HSPBAP1: variants seen among roughly 807,000 people sequenced by gnomAD.
HSPBAP1 encodes the protein HSPB1-associated protein 1.
A neutral mutation model predicts 45.2 loss-of-function variants in HSPBAP1; 27 were observed. The observed-to-expected ratio is 0.60, with a 90% confidence interval of 0.44 to 0.82. The LOEUF (loss-of-function observed/expected upper bound fraction) is 0.82, where lower values mean the gene tolerates loss of function less well. Among genes scored for constraint, HSPBAP1 ranks in the 40% least tolerant of loss-of-function variants. The pLI is 0.00. For synonymous variants in HSPBAP1, 204 were observed against 202.7 expected (o/e 1.01, Z -0.06); for missense variants, 510 against 590.9 (o/e 0.86, Z 1.42).
chr3:122,766,435 G>A (rs984906853), intron 3 of HSPBAP1, among the ~76,000 whole-genome samples: 1 of 152,200 alleles, frequency 6.6e-6, no homozygotes, highest in Non-Finnish European at 1.5e-5. Flanking sequence ...GTTATTCATA[G>A]CAGAATTAAT....
chr3:122,747,939 A>C (rs1199974698), intron 6 of HSPBAP1, among the ~76,000 whole-genome samples: 1 of 152,216 alleles, frequency 6.6e-6, no homozygotes, highest in Non-Finnish European at 1.5e-5. Flanking sequence ...TGGAATAGAA[A>C]GGGGGGAACG....
intron 1 of HSPBAP1, among the ~76,000 whole-genome samples, chr3:122,789,546 A>G (rs1298206113): frequency 1.3e-5 from 2 of 152,248 alleles, no homozygotes; most frequent in African/African-American, 2.4e-5. Context: ...AACAAACAAT[A>G]TCACATTCTT....
At chr3:122,770,472 G>A (rs1004693339) in intron 2 of HSPBAP1, among the ~76,000 whole-genome samples, 9 of 152,180 alleles carry the variant, frequency 5.9e-5, no homozygotes, top group African/African-American at 2.2e-4. Flanking sequence ...GCCGAGGTGG[G>A]AGGACTACTT....
At chr3:122,752,024 A>G (rs1934166843) in intron 6 of HSPBAP1, among the ~76,000 whole-genome samples, 1 of 152,226 alleles carries the variant, frequency 6.6e-6, no homozygotes, top group Non-Finnish European at 1.5e-5. Context: ...AGTTGAAGAG[A>G]CAGACTTGAG....
intron 1 of HSPBAP1, among the ~76,000 whole-genome samples, chr3:122,792,958 T>G (rs559921135): frequency 2.6e-5 from 4 of 152,162 alleles, no homozygotes; most frequent in African/African-American, 9.6e-5. Flanking sequence ...TTCTCCCCAC[T>G]GAGATCCCTC....
At chr3:122,748,402 AT>A (rs1934003552) in intron 6 of HSPBAP1, among the ~76,000 whole-genome samples, 1 of 151,866 alleles carries the variant, frequency 6.6e-6, no homozygotes, top group Non-Finnish European at 1.5e-5. Flanking sequence ...AGAAAAAAAA[AT>A]TAGATCTCAA....
At chr3:122,746,341 A>G (rs1272176368) in intron 6 of HSPBAP1, among the ~76,000 whole-genome samples, 1 of 151,772 alleles carries the variant, frequency 6.6e-6, no homozygotes, top group East Asian at 1.9e-4. Context: ...ATTTTAAAGA[A>G]CACATTAAAA....
At chr3:122,746,888 C>T (rs550373152) in intron 6 of HSPBAP1, among the ~76,000 whole-genome samples, 12 of 152,182 alleles carry the variant, frequency 7.9e-5, no homozygotes, top group African/African-American at 2.2e-4. Flanking sequence ...CTCCTAACCG[C>T]GAGTGATCTG....
Position 122,752,682 on chromosome 3 carries a change from CCAAA to C in HSPBAP1, c.742-12_742-9del. On this transcript the variant is annotated splice_polypyrimidine_tract_variant and intron_variant, in intron 5 of 7. Transcript: ENST00000306103. Reference sequence around the variant, plus strand: ...TCTGGGAACAAAGAGAACCTGAAAACCAAACAAAGAATGGTTAGCACAAGAACAG... The same window carrying C: ...TCTGGGAACAAAGAGAACCTGAAAACCAAAGAATGGTTAGCACAAGAACAG... 6.3e-7 allele frequency: 1 copy of C among 1,594,674 alleles called. No homozygotes were observed. The highest frequency in any genetic ancestry group is 1.1e-5 in the South Asian group (1 of 87,364).
At chr3:122,777,988 G>T in intron 1 of HSPBAP1, 82 bp from the exon 2 acceptor site, 1 of 876,794 alleles carries the variant, frequency 1.1e-6, no homozygotes, top group Non-Finnish European at 1.8e-6. Flanking sequence ...AGCTAATATT[G>T]TTTTTATCAT....
intron 1 of HSPBAP1, among the ~76,000 whole-genome samples, chr3:122,791,729 T>C (rs1240410211): frequency 6.6e-6 from 1 of 152,078 alleles, no homozygotes; most frequent in African/African-American, 2.4e-5. Context: ...GCCAGCTATG[T>C]GAAAAGCCAA....
intron 1 of HSPBAP1, among the ~76,000 whole-genome samples, chr3:122,781,811 C>T (rs1935495834): frequency 2.0e-5 from 3 of 152,066 alleles, no homozygotes; most frequent in Admixed American, 2.0e-4. Context: ...TTTTTTATGG[C>T]TGTGTAGCAT....
intron 3 of HSPBAP1, 108 bp from the exon 4 acceptor site, chr3:122,759,468 A>G (rs993841900): frequency 1.3e-5 from 15 of 1,172,090 alleles, no homozygotes; most frequent in East Asian, 4.8e-5. Context: ...GGAATATTCT[A>G]TTATGGAAAA....
rs544370377 is a variant in HSPBAP1 at position 122,751,870 on chromosome 3, T to C, written c.825+721A>G. Among the ~76,000 whole-genome samples the C allele has an allele frequency of 6.0e-4, 92 of 152,252 alleles. No homozygotes were observed. The South Asian group carries it at 0.018, about 30-fold the overall frequency. On this transcript the variant is annotated intron_variant, in intron 6 of 7. Transcript: ENST00000306103. Reference sequence around the variant, plus strand: ...CCACTGATTCCAAAGCCATTCCTATTAGCAAAGGATAGGAAAAACTAGACT... The same window carrying C: ...CCACTGATTCCAAAGCCATTCCTATCAGCAAAGGATAGGAAAAACTAGACT...
At chr3:122,748,031 G>A (rs1247530126) in intron 6 of HSPBAP1, among the ~76,000 whole-genome samples, 2 of 152,348 alleles carry the variant, frequency 1.3e-5, no homozygotes, top group East Asian at 3.8e-4. Context: ...ATTTTGTTCT[G>A]TACTAAGAAA....
intron 3 of HSPBAP1, among the ~76,000 whole-genome samples, chr3:122,765,787 A>G (rs1420331404): frequency 3.3e-5 from 5 of 152,208 alleles, no homozygotes; most frequent in South Asian, 2.1e-4. Flanking sequence ...CATGAATAAC[A>G]TTACATAAGA....
intron 1 of HSPBAP1, among the ~76,000 whole-genome samples, chr3:122,778,344 T>C (rs1355062548): frequency 2.6e-5 from 4 of 151,710 alleles, no homozygotes; most frequent in Admixed American, 6.6e-5. Context: ...TAAATACAAT[T>C]TGGAAAATAC....
intron 1 of HSPBAP1, among the ~76,000 whole-genome samples, chr3:122,792,643 C>T (rs1391839693): frequency 1.3e-5 from 2 of 151,846 alleles, no homozygotes; most frequent in Non-Finnish European, 2.9e-5. Context: ...GAAAGGCCCA[C>T]CTCAGCGGAT....
chr3:122,786,494 T>C (rs1935661166), intron 1 of HSPBAP1: 1 of 152,166 alleles, frequency 6.6e-6, no homozygotes, highest in Non-Finnish European at 1.5e-5. Flanking sequence ...TAGCCTTCTA[T>C]AAATATGGAC....
Sources: gnomAD v4.1 joint callset for allele counts (sites outside exome capture counted in the v4.1 genomes callset) on GRCh38, gnomAD v4.1.1 for gene constraint, MANE v1.5 for transcripts, NCBI Gene and HGNC (gene_info 2026-07-23, HGNC 2026-07-21) for gene names.